The following SNX29 variants were observed in gnomAD, a reference collection of about 807,000 sequenced individuals.
The protein encoded by SNX29 is sorting nexin-29.
SNX29 carries 78 observed loss-of-function variants against 102.1 expected under a neutral mutation model. That is an observed-to-expected ratio of 0.76 (90% CI 0.64 to 0.92). The LOEUF is 0.92. Ranked by LOEUF, SNX29 falls within the 40% of genes least tolerant of loss-of-function variation. The probability of loss-of-function intolerance (pLI) is 0.00; values close to 1 mark genes in which losing one functional copy is unlikely to be tolerated. For missense variants in SNX29, 1,280 were observed against 1,061.7 expected, an observed-to-expected ratio of 1.21 and a Z score of -2.86; for synonymous variants, 580 against 414.5, an observed-to-expected ratio of 1.40 and a Z score of -4.85.
At chr16:12,297,693 T>A (rs1169647456) in intron 15 of SNX29, among the ~76,000 whole-genome samples, 1 of 152,226 alleles carries the variant, frequency 6.6e-6, no homozygotes, top group African/African-American at 2.4e-5. Context: ...CATTTCTCTG[T>A]ACATCTCCAA....
intron 18 of SNX29, among the ~76,000 whole-genome samples, chr16:12,465,107 G>T (rs1179265032): frequency 6.6e-6 from 1 of 152,134 alleles, no homozygotes; most frequent in South Asian, 2.1e-4. Flanking sequence ...TGGGATTTCT[G>T]TATATATTTT....
Position 12,052,162 on chromosome 16 carries a change from A to G in SNX29, c.1064A>G (p.Asp355Gly), listed in dbSNP as rs554787009. 3.8e-5 allele frequency: 61 copies of G among 1,613,952 alleles called. No individual in the cohort carries two copies. In the Admixed American group the frequency reaches 5.3e-4, roughly 14 times the overall value. ...GATGAAGATGTGGATGAAAACGAAGATGACGTGTATGGAAACTCATCAGGA... is the reference window on the plus strand; with the variant it reads ...GATGAAGATGTGGATGAAAACGAAGGTGACGTGTATGGAAACTCATCAGGA... ...IDDEDVDENE[D>G]DVYGNSSGRK... Residue 355 changes from aspartate to glycine, a missense_variant, in exon 8 of 21, where the codon GAT (aspartate) becomes GGT (glycine). Asp to Gly is a moderately conservative substitution (Grantham distance 94). Coordinates refer to ENST00000566228, the MANE Select transcript of SNX29 (RefSeq NM_032167.5).
At chr16:12,446,739 A>G (rs2086072687) in intron 18 of SNX29, among the ~76,000 whole-genome samples, 1 of 152,158 alleles carries the variant, frequency 6.6e-6, no homozygotes, top group African/African-American at 2.4e-5. Flanking sequence ...GATTTAACCT[A>G]TAGGAAACAC....
At chr16:12,473,654 C>T (rs1271827367) in intron 18 of SNX29, among the ~76,000 whole-genome samples, 2 of 152,146 alleles carry the variant, frequency 1.3e-5, no homozygotes, top group African/African-American at 2.4e-5. Context: ...GGATGAGATG[C>T]GAAGTTGGCA....
chr16:12,058,473 G>A (rs899091626), intron 8 of SNX29, among the ~76,000 whole-genome samples: 1 of 143,176 alleles, frequency 7.0e-6, no homozygotes, highest in East Asian at 2.0e-4. Context: ...GGGCCCACTG[G>A]TGTTTTTTTT....
chr16:12,429,145 A>T (rs184985501), intron 18 of SNX29, among the ~76,000 whole-genome samples: 2 of 152,356 alleles, frequency 1.3e-5, no homozygotes, highest in African/African-American at 4.8e-5. Context: ...CAACACATAG[A>T]TACGATTGCA....
chr16:12,177,938 C>T (rs1234928499), intron 13 of SNX29, among the ~76,000 whole-genome samples: 1 of 152,196 alleles, frequency 6.6e-6, no homozygotes, highest in East Asian at 1.9e-4. Context: ...AGTTTTTTGG[C>T]ATCTGTTTTT....
chr16:12,252,142 C>T (rs1417418981), intron 14 of SNX29, among the ~76,000 whole-genome samples: 3 of 152,198 alleles, frequency 2.0e-5, no homozygotes, highest in Non-Finnish European at 2.9e-5. Context: ...TCTGCTCTTA[C>T]CAGCTTTCCC....
At chr16:12,374,112 C>G (rs987186508) in intron 16 of SNX29, among the ~76,000 whole-genome samples, 10 of 152,258 alleles carry the variant, frequency 6.6e-5, no homozygotes, top group African/African-American at 2.4e-4. Context: ...AATACCACTT[C>G]TCCCCACTGG....
chr16:12,300,110 G>A (rs2080117194), intron 15 of SNX29, among the ~76,000 whole-genome samples: 1 of 152,204 alleles, frequency 6.6e-6, no homozygotes, highest in African/African-American at 2.4e-5. Context: ...GACTTCAGGT[G>A]ATCTGCCTGC....
rs538054853 is a variant in SNX29 at position 12,468,363 on chromosome 16, C to T, written c.2038-9356C>T. ...CTAATTTTTGTATTATTAGTAGAGACGGGGTTTCACCATGTTGTCCAGGCT... is the reference window on the plus strand; with the variant it reads ...CTAATTTTTGTATTATTAGTAGAGATGGGGTTTCACCATGTTGTCCAGGCT... On this transcript the variant is annotated intron_variant, in intron 18 of 20. Transcript: ENST00000566228. Among the ~76,000 whole-genome samples the T allele has an allele frequency of 9.2e-5, 14 of 151,866 alleles. No homozygotes were observed. The East Asian group carries it at 1.4e-3, about 15-fold the overall frequency.
chr16:12,414,057 T>A (rs1203149880), intron 18 of SNX29, among the ~76,000 whole-genome samples: 1 of 152,234 alleles, frequency 6.6e-6, no homozygotes, highest in Non-Finnish European at 1.5e-5. Flanking sequence ...GCAAATATCA[T>A]GTAAATATTT....
At chr16:12,105,233 C>A (rs1211519114) in intron 11 of SNX29, among the ~76,000 whole-genome samples, 1 of 141,464 alleles carries the variant, frequency 7.1e-6, no homozygotes, top group African/African-American at 2.6e-5. Context: ...CCCTCCCTTC[C>A]TTCCTTCCTT....
chr16:12,149,301 A>G (rs2055199086), intron 13 of SNX29, among the ~76,000 whole-genome samples: 1 of 152,198 alleles, frequency 6.6e-6, no homozygotes, highest in African/African-American at 2.4e-5. Context: ...AAGTCACTCA[A>G]ACACTTTCTC....
At chr16:12,533,607 C>G (rs1053252344) in intron 20 of SNX29, among the ~76,000 whole-genome samples, 2 of 152,172 alleles carry the variant, frequency 1.3e-5, no homozygotes, top group African/African-American at 4.8e-5. Flanking sequence ...AGGAGACACC[C>G]CGCTACCTGG....
At chr16:11,988,933 G>A (rs953121298) in intron 1 of SNX29, among the ~76,000 whole-genome samples, 1 of 152,042 alleles carries the variant, frequency 6.6e-6, no homozygotes, top group South Asian at 2.1e-4. Flanking sequence ...AATATTTACT[G>A]TTTTGCTCTT....
At chr16:12,365,768 C>T (rs1450712407) in intron 16 of SNX29, among the ~76,000 whole-genome samples, 3 of 150,438 alleles carry the variant, frequency 2.0e-5, no homozygotes, top group African/African-American at 4.9e-5. Flanking sequence ...GTGGGCCGGG[C>T]GCGGTGGCTC....
At chr16:12,074,485 T>A (rs2051449494) in intron 10 of SNX29, among the ~76,000 whole-genome samples, 1 of 152,220 alleles carries the variant, frequency 6.6e-6, no homozygotes, top group South Asian at 2.1e-4. Context: ...GAATGTTGAA[T>A]ATTGGCCCCC....
At chr16:12,067,586 C>G (rs1245564966) in intron 9 of SNX29, among the ~76,000 whole-genome samples, 2 of 152,218 alleles carry the variant, frequency 1.3e-5, no homozygotes, top group East Asian at 3.8e-4. Context: ...CTTCTGGGTT[C>G]AAGCAATTCT....
Sources: gnomAD v4.1 joint callset for allele counts (sites outside exome capture counted in the v4.1 genomes callset) on GRCh38, gnomAD v4.1.1 for gene constraint, MANE v1.5 for transcripts, NCBI Gene and HGNC (gene_info 2026-07-23, HGNC 2026-07-21) for gene names.